The following FAM47E variants were observed in gnomAD, a reference collection of about 807,000 sequenced individuals.
FAM47E encodes the protein family with sequence similarity 47 member E.
Under a neutral mutation model 41.6 loss-of-function variants are expected in FAM47E, and 32 were observed. The ratio of observed to expected loss-of-function variants is 0.77; its 90% confidence interval spans 0.58 to 1.03. FAM47E has a LOEUF of 1.03. Among genes scored for constraint, FAM47E ranks in the 50% least tolerant of loss-of-function variants. The pLI, the probability that FAM47E is intolerant of heterozygous loss-of-function variation, is 0.00. For missense variants in FAM47E, 424 were observed against 485.4 expected, an observed-to-expected ratio of 0.87 and a Z score of 1.19; for synonymous variants, 184 against 188.7, an observed-to-expected ratio of 0.98 and a Z score of 0.20.
intron 3 of FAM47E, among the ~76,000 whole-genome samples, chr4:76,265,574 C>G (rs1408273114): frequency 1.3e-5 from 2 of 151,034 alleles, no homozygotes; most frequent in East Asian, 3.9e-4. Context: ...CTCCTAAAAC[C>G]CTTGGGATTT....
chr4:76,278,547 G>A (rs1735222221), intron 6 of FAM47E: 2 of 363,882 alleles, frequency 5.5e-6, no homozygotes, highest in Non-Finnish European at 9.8e-6. Flanking sequence ...CCACCTCAGT[G>A]CCCAGAATAG....
At position 76,271,745 on chromosome 4, in the gene FAM47E, G is replaced by C; in HGVS notation, c.847G>C (p.Glu283Gln). The part of the protein sequence containing the change: ...ETEFFQKLGY[E>Q]RKLQKPQNPY... ...AGAGTTCTTCCAGAAACTAGGCTAT[G>C]AGAGGAAACTCCAGAAACCACAGGT... is the stretch of plus-strand genomic sequence containing the variant. The change falls in exon 5 of 8, where the codon GAG (glutamate) becomes CAG (glutamine). Residue 283 changes from glutamate to glutamine, a missense_variant. Physicochemically the swap from Glu to Gln is conservative, Grantham distance 29. Coordinates refer to ENST00000424749, the MANE Select transcript of FAM47E (RefSeq NM_001136570.3). 6.4e-7 allele frequency: 1 copy of C among 1,551,612 alleles called. No individual in the cohort carries two copies. The highest frequency in any genetic ancestry group is 2.0e-5 in the Admixed American group (1 of 50,994).
intron 1 of FAM47E, among the ~76,000 whole-genome samples, chr4:76,215,848 C>T (rs1433063089): frequency 6.6e-6 from 1 of 152,138 alleles, no homozygotes; most frequent in African/African-American, 2.4e-5. Flanking sequence ...CATTACAGAG[C>T]AGAGGTGAGT....
In FAM47E at chr4:76,283,368, CATT is replaced by C. The variant is rs1285204674; in HGVS notation, c.1105-12_1105-10del. The C allele has an allele frequency of 7.6e-5, 114 of 1,505,392 alleles. No individual in the cohort carries two copies. The highest frequency in any genetic ancestry group is 9.6e-5 in the Non-Finnish European group (106 of 1,105,884). 93.3% of individuals were successfully genotyped at this position (1,505,392 alleles called of 1,614,324 possible). On this transcript the variant is annotated splice_polypyrimidine_tract_variant and intron_variant, in intron 7 of 7. Coordinates refer to ENST00000424749, the MANE Select transcript of FAM47E (RefSeq NM_001136570.3). ...TTTGCCAATCTAATGAAGGTTCTCT[CATT>C]TTTTTTTAGTTCCTTGAGAATATGT...
chr4:76,276,037 G>GACAGACAC (rs1553957135), intron 5 of FAM47E, among the ~76,000 whole-genome samples: 5,708 of 62,080 alleles, frequency 0.092, 159 homozygotes, highest in African/African-American at 0.18. Context: ...CAGACAGACA[G>GACAGACAC]ACACACACAC....
chr4:76,216,858 A>G (rs1428076598), intron 1 of FAM47E, among the ~76,000 whole-genome samples: 2 of 152,204 alleles, frequency 1.3e-5, no homozygotes, highest in African/African-American at 2.4e-5. Flanking sequence ...AAATATAAAC[A>G]GCTTTTAAGA....
chr4:76,256,163 C>G lies in FAM47E; in HGVS notation c.75-15C>G. On this transcript the variant is annotated splice_polypyrimidine_tract_variant and intron_variant, in intron 1 of 7. Transcript: ENST00000424749. ...GTGGTATTCTAGGTACAAAGAGAAT[C>G]TATCTACCTTCCAGATGTTTCACAA... 1 of 1,547,426 alleles carries G rather than the reference C, an allele frequency of 6.5e-7. No homozygotes were observed.
chr4:76,227,704 T>A (rs1733421467), intron 2 of FAM47E, among the ~76,000 whole-genome samples: 2 of 152,310 alleles, frequency 1.3e-5, no homozygotes, highest in South Asian at 4.1e-4. Flanking sequence ...ATTTGGGAGC[T>A]CCAGTGTTAG....
chr4:76,278,083 A>C lies in FAM47E; in HGVS notation c.885A>C (p.Pro295=). The change falls in exon 6 of 8, where the codon CCA becomes CCC. Residue 295 remains proline, a synonymous_variant. Transcript: ENST00000424749. ...ACTTTCCACAGAATCCTTATAAGCC[A>C]AAGTGGGTGAAGATGAGGTATGGAG... The part of the protein sequence containing the change: ...KLQKPQNPYK[P]KWVKMRYGAW... 6.6e-7 allele frequency: 1 copy of C among 1,518,730 alleles called. No homozygotes were observed. Among genetic ancestry groups the C allele is most frequent in the Non-Finnish European group, 8.8e-7 (1 of 1,137,582 alleles). The allele number at this position is 1,518,730 out of a possible 1,614,324, so 94.1% of individuals were successfully genotyped here. A position where few individuals can be genotyped will look rare whatever the true frequency, so the allele number is the denominator to read the frequency against.
intron 2 of FAM47E, among the ~76,000 whole-genome samples, chr4:76,244,071 T>A (rs1733767973): frequency 2.0e-5 from 3 of 152,222 alleles, no homozygotes; most frequent in Non-Finnish European, 4.4e-5. Context: ...ATGACATGAA[T>A]TCATCCTTTT....
At chr4:76,248,012 C>A (rs1161131782), upstream of FAM47E, among the ~76,000 whole-genome samples, 1 of 142,986 alleles carries the variant, frequency 7.0e-6, no homozygotes, top group Admixed American at 7.5e-5. Flanking sequence ...CCTCCTGGGT[C>A]GACGCCATTC....
intron 1 of FAM47E, chr4:76,217,496 G>A (rs1485803043): frequency 2.4e-6 from 1 of 412,082 alleles, no homozygotes. Flanking sequence ...TTGTTGAAAA[G>A]AGCTGGCACC....
chr4:76,261,196 G>A (rs777157062), intron 2 of FAM47E, among the ~76,000 whole-genome samples: 1 of 152,106 alleles, frequency 6.6e-6, no homozygotes, highest in Non-Finnish European at 1.5e-5. Flanking sequence ...AGGATGCAGA[G>A]AAAAGAGGAT....
intron 2 of FAM47E, among the ~76,000 whole-genome samples, chr4:76,263,233 C>T (rs1734493073): frequency 6.6e-6 from 1 of 152,168 alleles, no homozygotes; most frequent in Non-Finnish European, 1.5e-5. Flanking sequence ...TTTCCCTGCT[C>T]ATATTATAGC....
At chr4:76,226,996 C>T (rs1257013077) in intron 2 of FAM47E, among the ~76,000 whole-genome samples, 1 of 47,484 alleles carries the variant, frequency 2.1e-5, no homozygotes. Flanking sequence ...ATTTGTCTTT[C>T]GAATTTTGTT....
chr4:76,247,902 C>A (rs1184855070), upstream of FAM47E, among the ~76,000 whole-genome samples: 1 of 120,062 alleles, frequency 8.3e-6, no homozygotes, highest in African/African-American at 2.9e-5. Context: ...TATCTTTTCA[C>A]TCTCTCTCTT....
chr4:76,245,404 T>C (rs1389883157), intron 2 of FAM47E, among the ~76,000 whole-genome samples: 1 of 152,068 alleles, frequency 6.6e-6, no homozygotes, highest in Non-Finnish European at 1.5e-5. Flanking sequence ...GTTTGAGTCA[T>C]GTGACAAAAG....
chr4:76,271,630 A>G lies in FAM47E; in HGVS notation c.732A>G (p.Lys244=). 5.2e-6 allele frequency: 8 copies of G among 1,552,174 alleles called. No individual in the cohort carries two copies. The highest frequency in any genetic ancestry group is 6.1e-6 in the Non-Finnish European group (7 of 1,147,098). The change falls in exon 5 of 8, where the codon AAA becomes AAG. Residue 244 remains lysine, a synonymous_variant. Transcript: ENST00000424749. ...AGTTTGACATTGACTATGAGACCAAACCAAGCCATGATGCGCTCCACACGA... is the reference window on the plus strand; with the variant it reads ...AGTTTGACATTGACTATGAGACCAAGCCAAGCCATGATGCGCTCCACACGA... ...LKQFDIDYET[K]PSHDALHTMK...
intron 4 of FAM47E, among the ~76,000 whole-genome samples, chr4:76,270,598 G>A (rs1050961359): frequency 5.9e-5 from 9 of 152,120 alleles, no homozygotes; most frequent in African/African-American, 1.4e-4. Flanking sequence ...GATTTCCAGC[G>A]TCCACTTCTC....
Sources: allele counts gnomAD v4.1 joint callset (sites outside exome capture counted in the v4.1 genomes callset), GRCh38; gene constraint gnomAD v4.1.1; transcripts MANE v1.5; gene names NCBI Gene and HGNC (gene_info 2026-07-23, HGNC 2026-07-21).